TEK: variants seen among roughly 807,000 people sequenced by gnomAD.
TEK encodes TEK receptor tyrosine kinase, also known as angiopoietin-1 receptor.
A neutral mutation model predicts 131.8 loss-of-function variants in TEK; 43 were observed. That is an observed-to-expected ratio of 0.33 (90% CI 0.26 to 0.42). The LOEUF (loss-of-function observed/expected upper bound fraction) is 0.42, where lower values mean the gene tolerates loss of function less well. Ranked by LOEUF, TEK falls within the 10% of genes least tolerant of loss-of-function variation. The probability of loss-of-function intolerance (pLI) is 1.00; values close to 1 mark genes in which losing one functional copy is unlikely to be tolerated. For missense variants in TEK, 1,162 were observed against 1,384.4 expected, an observed-to-expected ratio of 0.84 and a Z score of 2.55; for synonymous variants, 580 against 491.6, an observed-to-expected ratio of 1.18 and a Z score of -2.38.
intron 6 of TEK, 23 bp from the exon 7 acceptor site, chr9:27,180,217 T>G: frequency 6.2e-7 from 1 of 1,613,272 alleles, no homozygotes; most frequent in Non-Finnish European, 8.5e-7. Flanking sequence ...TTAATACTGG[T>G]TTTTTGATGT....
chr9:27,127,333 C>T (rs943644511), intron 1 of TEK, among the ~76,000 whole-genome samples: 1 of 152,218 alleles, frequency 6.6e-6, no homozygotes, highest in Non-Finnish European at 1.5e-5. Context: ...GCATAGTATT[C>T]CATGGTATAT....
intron 21 of TEK, among the ~76,000 whole-genome samples, chr9:27,221,116 T>C (rs111291607): frequency 6.6e-6 from 1 of 151,978 alleles, no homozygotes; most frequent in African/African-American, 2.4e-5. Context: ...GAGGCTTGAG[T>C]AGGCGGTTTT....
At chr9:27,206,188 T>C (rs684992) in intron 14 of TEK, among the ~76,000 whole-genome samples, 72,727 of 152,070 alleles carry the variant, frequency 0.48, 17,875 homozygotes, top group Non-Finnish European at 0.51. Context: ...CTGAGGCGCA[T>C]CCTGTGGCTG....
intron 15 of TEK, among the ~76,000 whole-genome samples, chr9:27,207,443 G>A (rs1191410219): frequency 6.6e-6 from 1 of 152,206 alleles, no homozygotes; most frequent in Admixed American, 6.5e-5. Flanking sequence ...GAAAACCACT[G>A]ACTTAAGGTC....
Position 27,218,128 on chromosome 9 carries a change from A to AGTTG in TEK, c.3062+372_3062+373insTGGT, listed in dbSNP as rs1267459178. 5.5e-4 allele frequency among the ~76,000 whole-genome samples: 17 copies of AGTTG among 30,886 alleles called. 1 individual carries two copies. Among genetic ancestry groups the AGTTG allele is most frequent in the South Asian group, 1.5e-3 (1 of 658 alleles). 20.3% of individuals were successfully genotyped at this position (30,886 alleles called of 152,430 possible). ...TGCTGGGGACAAAATAAGGCCAGAC[A>AGTTG]GTGGCGGGGGTCGTCTCTGCTTGCA... On this transcript the variant is annotated intron_variant, in intron 19 of 22. Coordinates refer to ENST00000380036, the MANE Select transcript of TEK (RefSeq NM_000459.5).
chr9:27,138,204 C>A (rs1035268934), intron 1 of TEK, among the ~76,000 whole-genome samples: 1 of 152,182 alleles, frequency 6.6e-6, no homozygotes, highest in Non-Finnish European at 1.5e-5. Context: ...AGCAAAAGAA[C>A]AAAGATTCCA....
intron 1 of TEK, among the ~76,000 whole-genome samples, chr9:27,136,703 C>G (rs372329163): frequency 6.6e-6 from 1 of 152,180 alleles, no homozygotes. Flanking sequence ...AAGAACTTCA[C>G]AAGTATCAGT....
chr9:27,114,340 A>C (rs1821461494), intron 1 of TEK, among the ~76,000 whole-genome samples: 1 of 152,210 alleles, frequency 6.6e-6, no homozygotes, highest in African/African-American at 2.4e-5. Flanking sequence ...TGGGAGGCCA[A>C]GGTGGGCAGA....
At chr9:27,115,030 A>G (rs1587470856) in intron 1 of TEK, among the ~76,000 whole-genome samples, 1 of 152,208 alleles carries the variant, frequency 6.6e-6, no homozygotes, top group Non-Finnish European at 1.5e-5. Context: ...TCCCTTTGCT[A>G]AGCTCACATT....
intron 2 of TEK, among the ~76,000 whole-genome samples, chr9:27,158,978 G>GATTT (rs1823445806): frequency 6.6e-6 from 1 of 152,094 alleles, no homozygotes; most frequent in Admixed American, 6.5e-5. Flanking sequence ...ATTTTCTATT[G>GATTT]CCACAATAAT....
intron 9 of TEK, among the ~76,000 whole-genome samples, chr9:27,187,162 T>C (rs1383469603): frequency 2.0e-5 from 3 of 152,196 alleles, no homozygotes; most frequent in African/African-American, 4.8e-5. Context: ...GTCTAGTTTT[T>C]AGTTTGTAGT....
intron 1 of TEK, among the ~76,000 whole-genome samples, chr9:27,129,629 G>C (rs1291384579): frequency 6.6e-6 from 1 of 152,166 alleles, no homozygotes; most frequent in African/African-American, 2.4e-5. Context: ...CTTCCAAGGG[G>C]CTTATGCAAA....
intron 19 of TEK, among the ~76,000 whole-genome samples, chr9:27,218,443 C>T (rs895218991): frequency 1.3e-5 from 2 of 152,118 alleles, no homozygotes; most frequent in African/African-American, 2.4e-5. Context: ...GCAACTGTTT[C>T]CAGGTCACAT....
chr9:27,175,783 C>T (rs1374092452), intron 6 of TEK, among the ~76,000 whole-genome samples: 2 of 152,164 alleles, frequency 1.3e-5, no homozygotes, highest in Non-Finnish European at 2.9e-5. Flanking sequence ...GCATAAATGT[C>T]TTCTTTAGAG....
chr9:27,204,089 T>C (rs1825316896), intron 13 of TEK, among the ~76,000 whole-genome samples: 1 of 152,188 alleles, frequency 6.6e-6, no homozygotes, highest in South Asian at 2.1e-4. Context: ...ACTTCCTAAA[T>C]TCAAGCTATA....
chr9:27,118,916 C>T (rs187779219), intron 1 of TEK, among the ~76,000 whole-genome samples: 13 of 152,278 alleles, frequency 8.5e-5, no homozygotes, highest in Admixed American at 6.5e-4. Context: ...CTACCAACTT[C>T]GCTGACCACT....
At chr9:27,191,056 A>C (rs1333930187) in intron 10 of TEK, among the ~76,000 whole-genome samples, 1 of 152,192 alleles carries the variant, frequency 6.6e-6, no homozygotes, top group African/African-American at 2.4e-5. Flanking sequence ...AGCCTGCTGG[A>C]AGGGCAGAGA....
chr9:27,223,804 C>T (rs757237694), intron 21 of TEK, among the ~76,000 whole-genome samples: 8 of 151,942 alleles, frequency 5.3e-5, no homozygotes, highest in Non-Finnish European at 1.2e-4. Context: ...ATGAAAAACC[C>T]TTCAAAAAAA....
Position 27,122,914 on chromosome 9 carries a change from G to A in TEK, c.52+13272G>A, listed in dbSNP as rs546205932. On this transcript the variant is annotated intron_variant, in intron 1 of 22. Coordinates refer to ENST00000380036, the MANE Select transcript of TEK (RefSeq NM_000459.5). Reference sequence around the variant, plus strand: ...TAAAAATACAAAAAATTAGCCAGGCGTGGTGGCATATGCCTGTAGTCCCAG... The same window carrying A: ...TAAAAATACAAAAAATTAGCCAGGCATGGTGGCATATGCCTGTAGTCCCAG... 1.2e-3 allele frequency among the ~76,000 whole-genome samples: 182 copies of A among 151,914 alleles called. 1 individual carries two copies. The highest frequency in any genetic ancestry group is 4.2e-3 in the African/African-American group (174 of 41,430).
Sources: allele counts gnomAD v4.1 joint callset (sites outside exome capture counted in the v4.1 genomes callset), GRCh38; gene constraint gnomAD v4.1.1; transcripts MANE v1.5; gene names NCBI Gene and HGNC (gene_info 2026-07-23, HGNC 2026-07-21).